Variants in MED13 observed in about 807,000 individuals in gnomAD.
MED13 encodes the protein mediator complex subunit 13, also known as mediator of RNA polymerase II transcription subunit 13.
A neutral mutation model predicts 225.2 loss-of-function variants in MED13; 23 were observed. The ratio of observed to expected loss-of-function variants is 0.10; its 90% CI spans 0.07 to 0.14. The LOEUF is 0.14. MED13 is among the 10% of genes least tolerant of loss of function. The probability of loss-of-function intolerance (pLI) is 1.00; values close to 1 mark genes in which losing one functional copy is unlikely to be tolerated. For synonymous variants in MED13, 942 were observed against 889.2 expected (o/e 1.06, Z -1.06); for missense variants, 2,197 against 2,594.5 (o/e 0.85, Z 3.33).
chr17:62,051,260 C>T (rs575958170), intron 3 of MED13, among the ~76,000 whole-genome samples: 1 of 152,280 alleles, frequency 6.6e-6, no homozygotes, highest in South Asian at 2.1e-4. Flanking sequence ...CTTACTTCCT[C>T]CCTTCCTTTC....
At position 62,010,645 on chromosome 17, in the gene MED13, T is replaced by G; in HGVS notation, c.1872A>C (p.Lys624Asn). ...AWKYYKFPKK[K>N]DVEFLPPQLP... ...GTTGAGGTGGTAAAAACTCTACATC[T>G]TTTTTCTTTGGGAACTTGTAATACT... The change falls in exon 9 of 30, where the codon AAA (lysine) becomes AAC (asparagine). Residue 624 changes from lysine (K) to asparagine (N), a missense_variant. Lys to Asn is a moderately conservative substitution (Grantham distance 94, BLOSUM62 0). This residue lies in a region of MED13 where 884 missense variants were observed against 918.5 expected (regional missense o/e 0.96). Coordinates refer to ENST00000397786, the MANE Select transcript of MED13 (RefSeq NM_005121.3). 1 of 1,500,314 alleles carries G rather than the reference T, an allele frequency of 6.7e-7. No homozygotes were observed. Among genetic ancestry groups the G allele is most frequent in the Non-Finnish European group, 8.9e-7 (1 of 1,124,510 alleles). The allele number at this position is 1,500,314 out of a possible 1,614,324, so 92.9% of individuals were successfully genotyped here.
At chr17:62,064,306 G>C (rs916268756) in intron 1 of MED13, among the ~76,000 whole-genome samples, 1 of 152,212 alleles carries the variant, frequency 6.6e-6, no homozygotes, top group African/African-American at 2.4e-5. Context: ...AGCCTTAACT[G>C]TTGGATGTTA....
intron 4 of MED13, among the ~76,000 whole-genome samples, chr17:62,034,311 C>A (rs973719973): frequency 6.6e-6 from 1 of 151,674 alleles, no homozygotes; most frequent in Non-Finnish European, 1.5e-5. Flanking sequence ...ATGGTGAAAC[C>A]CTGTCTCTAA....
chr17:61,993,959 A>C (rs953454333), intron 10 of MED13, among the ~76,000 whole-genome samples: 14 of 148,228 alleles, frequency 9.4e-5, no homozygotes, highest in Admixed American at 2.7e-4. Flanking sequence ...AAAAAAAAAA[A>C]CTCACACGTA....
intron 1 of MED13, among the ~76,000 whole-genome samples, chr17:62,064,025 C>A (rs1375511415): frequency 1.3e-5 from 2 of 152,078 alleles, no homozygotes; most frequent in African/African-American, 4.8e-5. Context: ...TTAAGAAATT[C>A]GACAAGAGGA....
chr17:62,037,532 T>C (rs1399134139), intron 3 of MED13, among the ~76,000 whole-genome samples: 1 of 150,358 alleles, frequency 6.7e-6, no homozygotes, highest in Non-Finnish European at 1.5e-5. Context: ...GGAGGTGCAG[T>C]GGTATGCGCC....
intron 17 of MED13, among the ~76,000 whole-genome samples, chr17:61,972,291 C>T (rs1364713205): frequency 6.6e-6 from 1 of 152,170 alleles, no homozygotes; most frequent in Non-Finnish European, 1.5e-5. Context: ...CTGGTCACAA[C>T]CAGCAAATTT....
At position 62,033,910 on chromosome 17, in the gene MED13, T is replaced by C. The variant is rs908011478; in HGVS notation, c.691A>G (p.Lys231Glu). 1 of 1,614,014 alleles carries C rather than the reference T, an allele frequency of 6.2e-7. No homozygotes were observed. The highest frequency in any genetic ancestry group is 1.3e-5 in the African/African-American group (1 of 74,942). Residue 231 changes from lysine to glutamate, a missense_variant, in exon 5 of 30, where the codon AAA (lysine) becomes GAA (glutamate). Lys to Glu is a moderately conservative substitution (Grantham distance 56). Coordinates refer to ENST00000397786, the MANE Select transcript of MED13 (RefSeq NM_005121.3). The stretch of plus-strand genomic sequence containing the variant: ...AACTGTTTCCATTCACCAATTAATT[T>C]TTTTGTAGCTGAATCAGACATCTTG... ...AFKMSDSATK[K>E]LIGEWKQFYP...
intron 3 of MED13, 122 bp from the exon 4 acceptor site, chr17:62,035,730 T>A: frequency 1.2e-6 from 1 of 862,842 alleles, no homozygotes; most frequent in Non-Finnish European, 1.7e-6. Flanking sequence ...TTCTACTTCA[T>A]CAGAAGAAAA....
intron 8 of MED13, among the ~76,000 whole-genome samples, chr17:62,013,961 C>T (rs1267487703): frequency 2.0e-5 from 3 of 152,064 alleles, no homozygotes; most frequent in East Asian, 3.9e-4. Flanking sequence ...ATCGCTTCAA[C>T]CCAGGAGGTG....
intron 11 of MED13, among the ~76,000 whole-genome samples, chr17:61,987,759 C>CT (rs1052410912): frequency 4.6e-5 from 7 of 150,682 alleles, no homozygotes; most frequent in South Asian, 2.1e-4. Context: ...ATTTTTTTTT[C>CT]TTTTTTTTGA....
chr17:61,984,399 C>T (rs1270899029), intron 14 of MED13, 32 bp from the exon 15 acceptor site: 4 of 1,458,534 alleles, frequency 2.7e-6, no homozygotes, highest in Non-Finnish European at 3.7e-6. Context: ...TTTTCAGTAT[C>T]TTATCTTCTA....
chr17:62,005,780 A>G (rs2080441148), intron 9 of MED13: 1 of 152,218 alleles, frequency 6.6e-6, no homozygotes, highest in Admixed American at 6.5e-5. Flanking sequence ...TACAGTGGCT[A>G]TTCACAGGTG....
chr17:62,048,526 G>A (rs954856371), intron 3 of MED13, among the ~76,000 whole-genome samples: 5 of 151,942 alleles, frequency 3.3e-5, no homozygotes, highest in Non-Finnish European at 1.5e-5. Flanking sequence ...CTTTGAAATG[G>A]TTGAAACAGA....
intron 17 of MED13, among the ~76,000 whole-genome samples, chr17:61,972,026 A>C (rs963276195): frequency 1.3e-5 from 2 of 152,226 alleles, no homozygotes; most frequent in Non-Finnish European, 2.9e-5. Context: ...AATGAGATTT[A>C]AATTATTTAG....
chr17:61,967,378 C>T (rs1332792221), intron 18 of MED13, among the ~76,000 whole-genome samples: 1 of 152,132 alleles, frequency 6.6e-6, no homozygotes, highest in Non-Finnish European at 1.5e-5. Flanking sequence ...AAACACACTA[C>T]AAATACCTTG....
At chr17:61,953,209 A>T in intron 26 of MED13, 96 bp from the exon 27 acceptor site, 1 of 1,278,922 alleles carries the variant, frequency 7.8e-7, no homozygotes, top group Non-Finnish European at 1.1e-6. Flanking sequence ...TTTAACCAAA[A>T]TGGGTTAATT....
intron 3 of MED13, among the ~76,000 whole-genome samples, chr17:62,048,974 G>T (rs992942185): frequency 1.3e-5 from 2 of 150,710 alleles, no homozygotes; most frequent in African/African-American, 4.9e-5. Context: ...GCAATTCTGC[G>T]GTTTGACTCA....
At chr17:62,015,786 T>TAC (rs1199644971) in intron 8 of MED13, among the ~76,000 whole-genome samples, 12 of 136,428 alleles carry the variant, frequency 8.8e-5, no homozygotes, top group East Asian at 6.9e-4. Flanking sequence ...TATATATATA[T>TAC]ACACACACAC....
Sources: gnomAD v4.1 joint callset for allele counts (sites outside exome capture counted in the v4.1 genomes callset) on GRCh38, gnomAD v4.1.1 for gene constraint, gnomAD v4.1.1 regional missense constraint, MANE v1.5 for transcripts, NCBI Gene and HGNC (gene_info 2026-07-23, HGNC 2026-07-21) for gene names.